The following MUSK variants were observed in gnomAD, a reference collection of about 807,000 sequenced individuals.
The protein encoded by MUSK is muscle, skeletal receptor tyrosine-protein kinase.
MUSK carries 55 observed loss-of-function variants against 88.7 expected under a neutral mutation model. That is an observed-to-expected ratio of 0.62 (90% CI 0.50 to 0.78). MUSK has a LOEUF of 0.78. Among genes scored for constraint, MUSK ranks in the 30% least tolerant of loss-of-function variants. The pLI is 0.00. For synonymous variants in MUSK, 387 were observed against 391.9 expected (o/e 0.99, Z 0.15); for missense variants, 1,015 against 1,074.3 (o/e 0.94, Z 0.77).
At chr9:110,707,568 A>C (rs949573907) in intron 5 of MUSK, among the ~76,000 whole-genome samples, 8 of 152,154 alleles carry the variant, frequency 5.3e-5, no homozygotes, top group Admixed American at 5.2e-4. Flanking sequence ...TGCATTTTCT[A>C]TTATTATCTT....
chr9:110,730,006 G>C (rs1315694530), intron 5 of MUSK, among the ~76,000 whole-genome samples: 1 of 152,004 alleles, frequency 6.6e-6, no homozygotes, highest in African/African-American at 2.4e-5. Flanking sequence ...TTACATATCT[G>C]AAAGTGCTTT....
intron 7 of MUSK, among the ~76,000 whole-genome samples, chr9:110,748,891 T>C (rs2077212103): frequency 6.6e-6 from 1 of 152,180 alleles, no homozygotes; most frequent in Non-Finnish European, 1.5e-5. Flanking sequence ...TCCCTCTCCT[T>C]TCTCCCCCCA....
chr9:110,766,265 C>G (rs2077483960), intron 8 of MUSK, among the ~76,000 whole-genome samples: 1 of 152,186 alleles, frequency 6.6e-6, no homozygotes, highest in Admixed American at 6.5e-5. Context: ...AGGTCTGTTT[C>G]TGAGGCTGCT....
intron 11 of MUSK, among the ~76,000 whole-genome samples, chr9:110,778,318 C>G (rs1271260036): frequency 6.6e-6 from 1 of 152,124 alleles, no homozygotes; most frequent in African/African-American, 2.4e-5. Context: ...CACTATTCCT[C>G]TCTTCCGTGA....
chr9:110,687,892 C>T (rs2076218641), intron 3 of MUSK, among the ~76,000 whole-genome samples: 1 of 152,130 alleles, frequency 6.6e-6, no homozygotes, highest in African/African-American at 2.4e-5. Context: ...ATTTACCCTA[C>T]ACCTGTGAAA....
At chr9:110,690,208 ATATATATTTAAG>A (rs2076316008) in intron 3 of MUSK, among the ~76,000 whole-genome samples, 2 of 104,174 alleles carry the variant, frequency 1.9e-5, no homozygotes, top group Admixed American at 2.8e-4. Context: ...ATATATATAA[ATATATATTTAAG>A]TATAAATATA....
At chr9:110,757,459 GAA>G (rs56887113) in intron 7 of MUSK, among the ~76,000 whole-genome samples, 7 of 122,230 alleles carry the variant, frequency 5.7e-5, no homozygotes, top group Non-Finnish European at 7.0e-5. Flanking sequence ...ACTCTGTCTT[GAA>G]AAAAAAAAAA....
intron 7 of MUSK, among the ~76,000 whole-genome samples, chr9:110,754,268 T>A (rs2077284126): frequency 6.6e-6 from 1 of 152,214 alleles, no homozygotes; most frequent in Non-Finnish European, 1.5e-5. Context: ...GGCAGCTTTC[T>A]TATATTAGAA....
intron 11 of MUSK, among the ~76,000 whole-genome samples, chr9:110,778,731 GA>G (rs556284743): frequency 6.6e-6 from 1 of 152,006 alleles, no homozygotes; most frequent in Non-Finnish European, 1.5e-5. Context: ...TTCAGAGCCA[GA>G]ATGTTATACC....
Position 110,762,212 on chromosome 9 carries a change from A to G in MUSK, c.920+4A>G. Reference sequence around the variant, plus strand: ...CTTTCCTGTTAATAGAATGGAGGTAAGAAACTGTTATTGTAACAATTGTTT... The same window carrying G: ...CTTTCCTGTTAATAGAATGGAGGTAGGAAACTGTTATTGTAACAATTGTTT... On this transcript the variant is annotated splice_donor_region_variant and intron_variant, in intron 8 of 14. Coordinates refer to ENST00000374448, the MANE Select transcript of MUSK (RefSeq NM_005592.4). The G allele has an allele frequency of 7.0e-7, 1 of 1,436,382 alleles. No individual in the cohort carries two copies. Among genetic ancestry groups the G allele is most frequent in the Non-Finnish European group, 9.2e-7 (1 of 1,091,960 alleles). 89.0% of individuals were successfully genotyped at this position (1,436,382 alleles called of 1,614,324 possible).
intron 5 of MUSK, among the ~76,000 whole-genome samples, chr9:110,704,924 G>A (rs773504981): frequency 6.0e-5 from 9 of 150,508 alleles, no homozygotes; most frequent in Non-Finnish European, 1.2e-4. Context: ...GGCAGAGGTT[G>A]CAGTGAGCAG....
rs377715882 is a variant in MUSK, at chr9:110,776,739, T to C, written c.1384+84T>C. On this transcript the variant is annotated intron_variant, in intron 11 of 14. Transcript: ENST00000374448. ...GTGTGTTTACACTTATATTTCCTGA[T>C]GCCCAGAACAGAATGTACAGCCGCT... The C allele has an allele frequency of 1.0e-4, 123 of 1,203,050 alleles. No homozygotes were observed. The African/African-American group carries it at 1.7e-3, about 17-fold the overall frequency. 74.5% of individuals were successfully genotyped at this position (1,203,050 alleles called of 1,614,324 possible).
intron 7 of MUSK, among the ~76,000 whole-genome samples, chr9:110,757,009 A>G (rs1273857635): frequency 6.6e-6 from 1 of 152,198 alleles, no homozygotes; most frequent in African/African-American, 2.4e-5. Flanking sequence ...AGTAGTTGAA[A>G]TGAAAATACT....
At chr9:110,699,805 T>C (rs2076478864) in intron 5 of MUSK, among the ~76,000 whole-genome samples, 1 of 152,174 alleles carries the variant, frequency 6.6e-6, no homozygotes, top group African/African-American at 2.4e-5. Context: ...GCAGTGACTA[T>C]ATCGAATCAG....
chr9:110,752,865 T>G (rs2077264991), intron 7 of MUSK, among the ~76,000 whole-genome samples: 1 of 152,200 alleles, frequency 6.6e-6, no homozygotes, highest in Non-Finnish European at 1.5e-5. Flanking sequence ...TCTGACTCAT[T>G]TACATTTACT....
intron 7 of MUSK, among the ~76,000 whole-genome samples, chr9:110,761,435 T>C (rs1334826872): frequency 2.6e-5 from 4 of 152,164 alleles, no homozygotes; most frequent in Non-Finnish European, 5.9e-5. Context: ...GCCAGGTCTA[T>C]GAGAACAACC....
chr9:110,772,456 T>C (rs2077591585), intron 9 of MUSK, among the ~76,000 whole-genome samples: 1 of 151,850 alleles, frequency 6.6e-6, no homozygotes, highest in African/African-American at 2.4e-5. Context: ...ATTGGGAAAA[T>C]GTTATTTTTT....
At chr9:110,750,799 A>G (rs2077238110) in intron 7 of MUSK, among the ~76,000 whole-genome samples, 2 of 152,204 alleles carry the variant, frequency 1.3e-5, no homozygotes, top group Admixed American at 1.3e-4. Flanking sequence ...TTTTACTTAT[A>G]GCATCCTAAA....
chr9:110,791,134 C>A (rs889487545), intron 14 of MUSK, among the ~76,000 whole-genome samples: 35 of 152,080 alleles, frequency 2.3e-4, no homozygotes, highest in African/African-American at 7.5e-4. Flanking sequence ...GGAACAGCTC[C>A]GGTCTACAGC....
Sources: allele counts gnomAD v4.1 joint callset (sites outside exome capture counted in the v4.1 genomes callset), GRCh38; gene constraint gnomAD v4.1.1; transcripts MANE v1.5; gene names NCBI Gene and HGNC (gene_info 2026-07-23, HGNC 2026-07-21).